Variants in MCUB observed in about 807,000 individuals in gnomAD.
MCUB encodes the protein mitochondrial calcium uniporter dominant negative subunit beta.
MCUB carries 46 observed loss-of-function variants against 41.4 expected under a neutral mutation model. The ratio of observed to expected loss-of-function variants is 1.11; its 90% CI spans 0.88 to 1.42. The LOEUF is 1.42. Ranked by LOEUF, MCUB falls within the 40% of genes most tolerant of loss-of-function variation. The pLI is 0.00. For synonymous variants in MCUB, 148 were observed against 148.2 expected, an observed-to-expected ratio of 1.00 and a Z score of 0.01; for missense variants, 403 against 404.9, an observed-to-expected ratio of 1.00 and a Z score of 0.04.
At chr4:109,577,649 G>A (rs1371709345) in intron 1 of MCUB, among the ~76,000 whole-genome samples, 2 of 21,388 alleles carry the variant, frequency 9.4e-5, no homozygotes, top group African/African-American at 1.5e-4. Context: ...TCGCTCTGTC[G>A]CCCAGACTGG....
chr4:109,588,499 A>C (rs1727358611), intron 1 of MCUB, among the ~76,000 whole-genome samples: 1 of 152,182 alleles, frequency 6.6e-6, no homozygotes, highest in African/African-American at 2.4e-5. Context: ...TGATGTTTGC[A>C]TTCTGATGCT....
At chr4:109,600,792 A>G (rs1727713053) in intron 1 of MCUB, among the ~76,000 whole-genome samples, 1 of 151,944 alleles carries the variant, frequency 6.6e-6, no homozygotes, top group African/African-American at 2.4e-5. Flanking sequence ...TTTTTATTAT[A>G]TATATATATT....
rs775970241 is a variant in MCUB, at chr4:109,684,560, T to G, written c.730T>G (p.Ser244Ala). Residue 244 changes from serine (S) to alanine (A), a missense_variant, in exon 6 of 8, where the codon TCC becomes GCC. Physicochemically the swap from Ser to Ala is moderately conservative, Grantham distance 99. Coordinates refer to ENST00000394650, the MANE Select transcript of MCUB (RefSeq NM_017918.5). Reference protein sequence around the residue: ...ALAWLTWWVYSWDIMEPVTYF... With the variant: ...ALAWLTWWVYAWDIMEPVTYF... ...GGCCTGGCTCACGTGGTGGGTGTAC[T>G]CCTGGGATATCATGGAGCCAGTTAC... is the stretch of plus-strand genomic sequence containing the variant. The G allele has an allele frequency of 1.2e-6, 2 of 1,608,608 alleles. No individual in the cohort carries two copies. The highest frequency in any genetic ancestry group is 2.7e-5 in the African/African-American group (2 of 74,842).
At chr4:109,684,283 CG>C (rs1361335476) in intron 5 of MCUB, among the ~76,000 whole-genome samples, 159 bp from the exon 6 acceptor site, 1 of 152,080 alleles carries the variant, frequency 6.6e-6, no homozygotes, top group African/African-American at 2.4e-5. Flanking sequence ...AGGATGGTCT[CG>C]ATCTCCTGAC....
At chr4:109,630,569 TTTTG>T (rs146428253) in intron 1 of MCUB, among the ~76,000 whole-genome samples, 36,342 of 151,780 alleles carry the variant, frequency 0.24, 5,061 homozygotes, top group South Asian at 0.4. Flanking sequence ...AAATTCTGTT[TTTTG>T]TTTGTTTGTT....
At chr4:109,648,845 A>G (rs574897972) in intron 1 of MCUB, among the ~76,000 whole-genome samples, 1 of 152,120 alleles carries the variant, frequency 6.6e-6, no homozygotes. Flanking sequence ...CAAAACAACT[A>G]TGTAACTGAG....
intron 4 of MCUB, chr4:109,673,716 A>G: frequency 2.1e-6 from 1 of 485,618 alleles, no homozygotes; most frequent in Non-Finnish European, 3.6e-6. Context: ...AATTTGGGGT[A>G]TGAAAATTAA....
At chr4:109,674,124 G>A in intron 4 of MCUB, 1 of 1,406,928 alleles carries the variant, frequency 7.1e-7, no homozygotes, top group Non-Finnish European at 1.0e-6. Flanking sequence ...CTAAGCCTTA[G>A]AAGAAGAGAT....
chr4:109,612,263 C>CTTTTTTTTTT (rs56813205), intron 1 of MCUB, among the ~76,000 whole-genome samples: 2 of 114,810 alleles, frequency 1.7e-5, no homozygotes, highest in African/African-American at 6.7e-5. Flanking sequence ...TCCTCCTTTT[C>CTTTTTTTTTT]TTTTTTTTTT....
chr4:109,657,210 T>C, intron 1 of MCUB, among the ~76,000 whole-genome samples: 1 of 116,002 alleles, frequency 8.6e-6, no homozygotes, highest in African/African-American at 3.4e-5. Context: ...CAGAGCAATA[T>C]TCCATCTCAA....
chr4:109,637,165 A>G (rs1728612662), intron 1 of MCUB, among the ~76,000 whole-genome samples: 1 of 152,234 alleles, frequency 6.6e-6, no homozygotes, highest in Non-Finnish European at 1.5e-5. Context: ...GATGCAGTTG[A>G]GAAAGATACT....
At chr4:109,656,373 TTTTTTTTTTTTTTTTTTTTG>T (rs1729101362) in intron 1 of MCUB, among the ~76,000 whole-genome samples, 1 of 99,436 alleles carries the variant, frequency 1.0e-5, no homozygotes, top group Non-Finnish European at 2.1e-5. Flanking sequence ...TTTTTTTTTT[TTTTTTTTTTTTTTTTTTTTG>T]GAGACAGGGT....
At chr4:109,585,081 T>C (rs1239967308) in intron 1 of MCUB, among the ~76,000 whole-genome samples, 1 of 152,216 alleles carries the variant, frequency 6.6e-6, no homozygotes, top group Non-Finnish European at 1.5e-5. Flanking sequence ...TATGGGAGTC[T>C]AAGTCTCTTT....
intron 1 of MCUB, among the ~76,000 whole-genome samples, chr4:109,649,739 A>G (rs1378336713): frequency 3.4e-5 from 4 of 116,354 alleles, no homozygotes; most frequent in Non-Finnish European, 7.1e-5. Flanking sequence ...GGACTCATTT[A>G]TTATGATTTT....
At chr4:109,628,192 A>G (rs1325507019) in intron 1 of MCUB, among the ~76,000 whole-genome samples, 1 of 152,154 alleles carries the variant, frequency 6.6e-6, no homozygotes, top group African/African-American at 2.4e-5. Flanking sequence ...GGCATCCCAG[A>G]CAGAAGAAAT....
At chr4:109,593,387 G>A (rs1437093995) in intron 1 of MCUB, among the ~76,000 whole-genome samples, 1 of 152,182 alleles carries the variant, frequency 6.6e-6, no homozygotes, top group Non-Finnish European at 1.5e-5. Flanking sequence ...ATGGAGTTGG[G>A]GAAAGCACCT....
intron 1 of MCUB, among the ~76,000 whole-genome samples, chr4:109,640,063 G>T (rs1728681398): frequency 6.6e-6 from 1 of 152,224 alleles, no homozygotes; most frequent in Non-Finnish European, 1.5e-5. Flanking sequence ...GTTCTTATAG[G>T]TTTGGGATAG....
At chr4:109,586,115 C>A (rs941782669) in intron 1 of MCUB, among the ~76,000 whole-genome samples, 1 of 152,208 alleles carries the variant, frequency 6.6e-6, no homozygotes, top group Non-Finnish European at 1.5e-5. Context: ...GGTCTTTTAC[C>A]ATAGTCCCAT....
chr4:109,646,025 C>T (rs35838666), intron 1 of MCUB, among the ~76,000 whole-genome samples: 41,348 of 151,890 alleles, frequency 0.27, 6,319 homozygotes, highest in East Asian at 0.46. Flanking sequence ...ACCACATAGC[C>T]TTCCAGCTAC....
Sources: allele counts gnomAD v4.1 joint callset (sites outside exome capture counted in the v4.1 genomes callset), GRCh38; gene constraint gnomAD v4.1.1; transcripts MANE v1.5; gene names NCBI Gene and HGNC (gene_info 2026-07-23, HGNC 2026-07-21).